The following CRPPA variants were observed in gnomAD, a reference collection of about 807,000 sequenced individuals.
CRPPA encodes D-ribitol-5-phosphate cytidylyltransferase.
In CRPPA, 43 loss-of-function variants were observed where a neutral mutation model predicts 52.0. That is an observed-to-expected ratio of 0.83 (90% CI 0.65 to 1.07). The LOEUF (loss-of-function observed/expected upper bound fraction) is 1.07, where lower values mean the gene tolerates loss of function less well. Among genes scored for constraint, CRPPA ranks in the 50% least tolerant of loss-of-function variants. The pLI is 0.00. For missense variants in CRPPA, 629 were observed against 551.7 expected, an observed-to-expected ratio of 1.14 and a Z score of -1.40; for synonymous variants, 250 against 203.5, an observed-to-expected ratio of 1.23 and a Z score of -1.94.
chr7:16,141,313 T>A (rs1782865450), intron 9 of CRPPA, among the ~76,000 whole-genome samples: 1 of 152,244 alleles, frequency 6.6e-6, no homozygotes, highest in Non-Finnish European at 1.5e-5. Context: ...GGTTTTAATA[T>A]ACACATTCTG....
chr7:16,274,068 G>C (rs1784152354), intron 6 of CRPPA, among the ~76,000 whole-genome samples: 1 of 152,004 alleles, frequency 6.6e-6, no homozygotes, highest in South Asian at 2.1e-4. Flanking sequence ...TTTTGTTTTT[G>C]AGACGGAGTC....
chr7:16,180,607 T>C (rs1409669784), intron 9 of CRPPA, among the ~76,000 whole-genome samples: 2 of 152,170 alleles, frequency 1.3e-5, no homozygotes, highest in East Asian at 1.9e-4. Context: ...CAATGGAATA[T>C]ATTCATCTAA....
intron 8 of CRPPA, among the ~76,000 whole-genome samples, chr7:16,229,728 G>A (rs1204730234): frequency 1.3e-5 from 2 of 152,046 alleles, no homozygotes; most frequent in African/African-American, 4.8e-5. Context: ...TTACCAATAA[G>A]TTTTATATTT....
At chr7:16,186,866 A>T (rs1194384947) in intron 9 of CRPPA, among the ~76,000 whole-genome samples, 2 of 152,208 alleles carry the variant, frequency 1.3e-5, no homozygotes, top group Non-Finnish European at 2.9e-5. Context: ...ATTTTGTCCC[A>T]CCATCAATGG....
rs556002897 is a variant in CRPPA at position 16,251,164 on chromosome 7, CAAG to C, written c.1119+7223_1119+7225del. ...ACCTATGGTAAAGGGATCAATGCAA[CAAG>C]AAGAGCTAACTATCCTAAATATATA... On this transcript the variant is annotated intron_variant, in intron 8 of 9. Transcript: ENST00000407010. 3.5e-3 allele frequency among the ~76,000 whole-genome samples: 529 copies of C among 152,136 alleles called. 4 individuals carry two copies. Among genetic ancestry groups the C allele is most frequent in the African/African-American group, 0.012 (488 of 41,504 alleles).
At chr7:16,305,474 G>A (rs2128424033) in intron 4 of CRPPA, among the ~76,000 whole-genome samples, 1 of 152,298 alleles carries the variant, frequency 6.6e-6, no homozygotes, top group Middle Eastern at 3.4e-3. Context: ...GGAAAGTGAT[G>A]CTATGATGCT....
intron 9 of CRPPA, among the ~76,000 whole-genome samples, chr7:16,099,742 T>C (rs1228913158): frequency 6.6e-6 from 1 of 152,224 alleles, no homozygotes; most frequent in East Asian, 1.9e-4. Flanking sequence ...GATCTGGGAC[T>C]TGTGACACTG....
chr7:16,099,548 A>G (rs1027465799), intron 9 of CRPPA, among the ~76,000 whole-genome samples: 6 of 152,032 alleles, frequency 3.9e-5, no homozygotes, highest in Non-Finnish European at 1.5e-5. Flanking sequence ...AAGGTTGGTC[A>G]ATAAAATTCA....
chr7:16,405,573 T>G (rs1787933579), intron 2 of CRPPA, among the ~76,000 whole-genome samples: 1 of 152,158 alleles, frequency 6.6e-6, no homozygotes, highest in East Asian at 1.9e-4. Context: ...CAATAGGTCT[T>G]TTGCTATCCT....
chr7:16,130,968 G>C (rs1049800985), intron 9 of CRPPA, among the ~76,000 whole-genome samples: 3 of 152,186 alleles, frequency 2.0e-5, no homozygotes, highest in African/African-American at 7.2e-5. Flanking sequence ...ACACTGAGAA[G>C]ATGACCATGT....
In CRPPA at chr7:16,198,743, C is replaced by T. The variant is rs566773213; in HGVS notation, c.1251+17323G>A. 1.3e-4 allele frequency among the ~76,000 whole-genome samples: 20 copies of T among 149,210 alleles called. 1 individual carries two copies. The East Asian group carries it at 3.3e-3, about 24-fold the overall frequency. Reference sequence around the variant, plus strand: ...CGCAGCATTTTTTTTTTTTAAGAAACGGTTTCATCATGTTGCCCTAGCTAA... The same window carrying T: ...CGCAGCATTTTTTTTTTTTAAGAAATGGTTTCATCATGTTGCCCTAGCTAA... On this transcript the variant is annotated intron_variant, in intron 9 of 9. Transcript: ENST00000407010.
At chr7:16,218,572 G>T in intron 8 of CRPPA, among the ~76,000 whole-genome samples, 1 of 54,212 alleles carries the variant, frequency 1.8e-5, no homozygotes, top group African/African-American at 7.7e-5. Flanking sequence ...ACACACATAG[G>T]CTCAAAATAA....
At chr7:16,209,273 C>CTGTTTTTTTTTTTTTTTTTTTTTTT (rs1554289526) in intron 9 of CRPPA, 2 of 122,058 alleles carry the variant, frequency 1.6e-5, no homozygotes, top group Non-Finnish European at 1.8e-5. Context: ...TTCTAAGTGT[C>CTGTTTTTTTTTTTTTTTTTTTTTTT]TTTTTTTTTT....
At chr7:16,224,748 G>A (rs1782605897) in intron 8 of CRPPA, among the ~76,000 whole-genome samples, 1 of 152,042 alleles carries the variant, frequency 6.6e-6, no homozygotes, top group African/African-American at 2.4e-5. Context: ...TACTAAACAG[G>A]TCAAAGTAAT....
intron 8 of CRPPA, among the ~76,000 whole-genome samples, chr7:16,249,503 C>T (rs1377081384): frequency 2.0e-5 from 3 of 152,150 alleles, no homozygotes; most frequent in Admixed American, 6.5e-5. Flanking sequence ...TGGTGGGTGC[C>T]CCTCTGGGAC....
chr7:16,409,865 C>T (rs772225044), intron 1 of CRPPA, among the ~76,000 whole-genome samples: 2 of 152,148 alleles, frequency 1.3e-5, no homozygotes, highest in Non-Finnish European at 2.9e-5. Context: ...AATGTAGGCT[C>T]CATATAGAGA....
At chr7:16,321,590 T>C (rs1785266521) in intron 3 of CRPPA, among the ~76,000 whole-genome samples, 1 of 151,974 alleles carries the variant, frequency 6.6e-6, no homozygotes, top group South Asian at 2.1e-4. Context: ...GTCCAAGAAA[T>C]ATAGGGAAGG....
chr7:16,335,371 G>C (rs549730087), intron 3 of CRPPA, among the ~76,000 whole-genome samples: 1 of 152,130 alleles, frequency 6.6e-6, no homozygotes, highest in South Asian at 2.1e-4. Context: ...TGCAGACAGA[G>C]TTCAGGGAAC....
At chr7:16,361,891 A>G (rs1225419910) in intron 3 of CRPPA, among the ~76,000 whole-genome samples, 3 of 152,112 alleles carry the variant, frequency 2.0e-5, no homozygotes, top group East Asian at 3.9e-4. Flanking sequence ...GTCTCGCTCT[A>G]TCGCCCAGGC....
Sources: gnomAD v4.1 joint callset for allele counts (sites outside exome capture counted in the v4.1 genomes callset) on GRCh38, gnomAD v4.1.1 for gene constraint, MANE v1.5 for transcripts, NCBI Gene and HGNC (gene_info 2026-07-23, HGNC 2026-07-21) for gene names.